RNF157: variants seen among roughly 807,000 people sequenced by gnomAD.
The protein encoded by RNF157 is ring finger protein 157.
RNF157 carries 55 observed loss-of-function variants against 88.3 expected under a neutral mutation model. The observed-to-expected ratio is 0.62, with a 90% CI of 0.50 to 0.78. The LOEUF is 0.78. RNF157 is among the 30% of genes least tolerant of loss of function. The pLI is 0.00. For missense variants in RNF157, 788 were observed against 860.8 expected (o/e 0.92, Z 1.06); for synonymous variants, 334 against 341.2 (o/e 0.98, Z 0.23).
intron 2 of RNF157, among the ~76,000 whole-genome samples, chr17:76,178,717 A>T (rs1445379714): frequency 1.3e-5 from 2 of 152,236 alleles, no homozygotes; most frequent in African/African-American, 4.8e-5. Context: ...CCTGTGAAAT[A>T]GTCATGGTTG....
At chr17:76,225,607 T>C (rs1005730128) in intron 1 of RNF157, 39 of 661,338 alleles carry the variant, frequency 5.9e-5, no homozygotes, top group Middle Eastern at 8.2e-4. Context: ...TGTAGGCATC[T>C]ATGTCTGTAT....
intron 2 of RNF157, among the ~76,000 whole-genome samples, chr17:76,187,270 G>T (rs182471307): frequency 1.3e-5 from 2 of 148,728 alleles, no homozygotes; most frequent in East Asian, 4.1e-4. Flanking sequence ...CACAACCTCC[G>T]CCTCCCAGGT....
At chr17:76,174,417 C>G (rs1024493842) in intron 2 of RNF157, among the ~76,000 whole-genome samples, 1 of 152,138 alleles carries the variant, frequency 6.6e-6, no homozygotes, top group Admixed American at 6.6e-5. Context: ...CCCCTTTGCC[C>G]GTTTAGACCT....
chr17:76,179,740 C>T, intron 2 of RNF157, among the ~76,000 whole-genome samples: 1 of 152,230 alleles, frequency 6.6e-6, no homozygotes, highest in East Asian at 1.9e-4. Context: ...AGAGATCTCA[C>T]TCATATGCTA....
At chr17:76,175,170 T>C (rs1429321552) in intron 2 of RNF157, among the ~76,000 whole-genome samples, 3 of 152,202 alleles carry the variant, frequency 2.0e-5, no homozygotes, top group Non-Finnish European at 4.4e-5. Flanking sequence ...TAAAAAGATG[T>C]GGTAAACATT....
At chr17:76,203,474 T>G (rs2069622322) in intron 2 of RNF157, among the ~76,000 whole-genome samples, 2 of 147,658 alleles carry the variant, frequency 1.4e-5, no homozygotes, top group African/African-American at 5.1e-5. Context: ...TTTTTTGAGA[T>G]GGAGTCTTGC....
chr17:76,190,686 G>A (rs1192062557), intron 2 of RNF157, among the ~76,000 whole-genome samples: 1 of 150,676 alleles, frequency 6.6e-6, no homozygotes, highest in East Asian at 2.0e-4. Context: ...TTGGGAGGCC[G>A]AGACGGGTGG....
At chr17:76,173,006 G>C (rs1042414860) in intron 3 of RNF157, among the ~76,000 whole-genome samples, 2 of 152,194 alleles carry the variant, frequency 1.3e-5, no homozygotes, top group Non-Finnish European at 2.9e-5. Context: ...GAAAAAGAAG[G>C]CTGGGCGCGG....
intron 18 of RNF157, among the ~76,000 whole-genome samples, chr17:76,151,421 C>T (rs2068674828): frequency 6.6e-6 from 1 of 152,218 alleles, no homozygotes; most frequent in African/African-American, 2.4e-5. Context: ...CCAACGCCTC[C>T]AGCCACGTCG....
chr17:76,224,591 CATTTTT>C (rs2145057670), intron 1 of RNF157, among the ~76,000 whole-genome samples: 1 of 152,198 alleles, frequency 6.6e-6, no homozygotes, highest in African/African-American at 2.4e-5. Flanking sequence ...TTTTGTTCTT[CATTTTT>C]AAGTTTTCCC....
intron 2 of RNF157, among the ~76,000 whole-genome samples, chr17:76,184,426 T>C (rs1598411796): frequency 1.3e-5 from 2 of 152,302 alleles, no homozygotes; most frequent in East Asian, 1.9e-4. Flanking sequence ...TCTCCTGAGA[T>C]ACATAACGTG....
At chr17:76,223,963 G>C (rs1266660426) in intron 1 of RNF157, among the ~76,000 whole-genome samples, 1 of 152,164 alleles carries the variant, frequency 6.6e-6, no homozygotes, top group Admixed American at 6.6e-5. Context: ...GGCCAGAGCA[G>C]CTCCAGACAC....
At position 76,148,261 on chromosome 17, in the gene RNF157, C is replaced by CTTTTT. The variant is rs56231427; in HGVS notation, c.1922-2913_1922-2909dup. Among the ~76,000 whole-genome samples, 97 of 121,156 alleles carry CTTTTT rather than the reference C, an allele frequency of 8.0e-4. 2 individuals carry two copies. The highest frequency in any genetic ancestry group is 2.8e-3 in the African/African-American group (87 of 30,846). 79.5% of individuals were successfully genotyped at this position (121,156 alleles called of 152,430 possible). A position where few individuals can be genotyped will look rare whatever the true frequency, so the allele number is the denominator to read the frequency against. On this transcript the variant is annotated intron_variant, in intron 18 of 18. Transcript: ENST00000269391. ...CTAAAAAGATCCAAATTATCTTTGC[C>CTTTTT]TTTTTTTTTTTTTTTTTTTTTGAGA...
intron 2 of RNF157, among the ~76,000 whole-genome samples, chr17:76,209,348 G>A (rs1031513669): frequency 2.6e-5 from 4 of 152,216 alleles, no homozygotes; most frequent in Admixed American, 2.0e-4. Context: ...CTGCCAGCCA[G>A]CATAAACTTC....
intron 2 of RNF157, chr17:76,175,762 A>G: frequency 1.0e-6 from 1 of 985,306 alleles, no homozygotes; most frequent in Non-Finnish European, 1.2e-6. Flanking sequence ...ATTTCAAAAA[A>G]AAGATGCGTC....
intron 2 of RNF157, among the ~76,000 whole-genome samples, chr17:76,203,599 C>T (rs1343579729): frequency 1.3e-5 from 2 of 150,980 alleles, no homozygotes; most frequent in Non-Finnish European, 2.9e-5. Context: ...ATTACGGGAA[C>T]CCGCCATCAT....
intron 18 of RNF157, among the ~76,000 whole-genome samples, chr17:76,150,964 A>C (rs539193068): frequency 4.6e-5 from 7 of 152,348 alleles, no homozygotes; most frequent in Admixed American, 4.6e-4. Flanking sequence ...AAATAAACAA[A>C]CCAGACAGAC....
intron 9 of RNF157, 41 bp downstream of exon 9, chr17:76,162,511 C>T (rs756984198): frequency 6.7e-7 from 1 of 1,492,696 alleles, no homozygotes; most frequent in Non-Finnish European, 9.3e-7. Flanking sequence ...CTCACTTGGC[C>T]TCCTGGAAAG....
At chr17:76,209,914 C>G (rs368051159) in intron 2 of RNF157, among the ~76,000 whole-genome samples, 1 of 152,132 alleles carries the variant, frequency 6.6e-6, no homozygotes, top group African/African-American at 2.4e-5. Flanking sequence ...CTCACACCAC[C>G]ACGCCCAGCT....
Sources: allele counts gnomAD v4.1 joint callset (sites outside exome capture counted in the v4.1 genomes callset), GRCh38; gene constraint gnomAD v4.1.1; transcripts MANE v1.5; gene names NCBI Gene and HGNC (gene_info 2026-07-23, HGNC 2026-07-21).